Variants in C6 observed in about 807,000 individuals in gnomAD.
C6 encodes the protein complement component C6.
In C6, 101 loss-of-function variants were observed where a neutral mutation model predicts 112.9. The ratio of observed to expected loss-of-function variants is 0.89; its 90% CI spans 0.76 to 1.06. C6 has a LOEUF of 1.06. C6 is among the 50% of genes least tolerant of loss of function. The pLI, the probability that C6 is intolerant of heterozygous loss-of-function variation, is 0.00. For synonymous variants in C6, 431 were observed against 384.1 expected (o/e 1.12, Z -1.43); for missense variants, 1,202 against 1,104.6 (o/e 1.09, Z -1.25).
intron 9 of C6, among the ~76,000 whole-genome samples, chr5:41,171,828 A>G (rs570655673): frequency 6.6e-6 from 1 of 152,236 alleles, no homozygotes; most frequent in East Asian, 1.9e-4. Flanking sequence ...TCTTCTGCCC[A>G]TAGTCCTTTA....
chr5:41,186,966 A>G (rs1161998103), intron 5 of C6, among the ~76,000 whole-genome samples: 1 of 152,158 alleles, frequency 6.6e-6, no homozygotes, highest in Non-Finnish European at 1.5e-5. Flanking sequence ...TCTAAGAGAT[A>G]TTAATATGTA....
At position 41,176,428 on chromosome 5, in the gene C6, G is replaced by T. The variant is rs1238210089; in HGVS notation, c.1168+47C>A. ...TGATAGAGTAAGAGAAAAATGTATT[G>T]CATGCTATCATACCAGTTAAAAAGA... On this transcript the variant is annotated intron_variant, in intron 8 of 17. Transcript: ENST00000337836. The T allele has an allele frequency of 3.2e-6, 5 of 1,585,694 alleles. No individual in the cohort carries two copies. The Admixed American group carries it at 8.4e-5, about 27-fold the overall frequency.
chr5:41,202,933 C>T (rs1751144281), intron 2 of C6, among the ~76,000 whole-genome samples, 155 bp downstream of exon 2: 1 of 152,182 alleles, frequency 6.6e-6, no homozygotes, highest in African/African-American at 2.4e-5. Context: ...TCCTTTCAAC[C>T]TCATAAGAGA....
At chr5:41,199,104 A>G (rs1750819845) in intron 4 of C6, among the ~76,000 whole-genome samples, 1 of 152,158 alleles carries the variant, frequency 6.6e-6, no homozygotes, top group South Asian at 2.1e-4. Flanking sequence ...AGGGAGTAAG[A>G]GGGGAAAACT....
intron 5 of C6, among the ~76,000 whole-genome samples, chr5:41,189,748 C>T (rs749713365): frequency 5.9e-5 from 9 of 152,044 alleles, no homozygotes; most frequent in East Asian, 1.9e-4. Flanking sequence ...TAACCTTTAA[C>T]CAATCTCTTC....
At chr5:41,251,027 A>G (rs868043510) in intron 1 of C6, among the ~76,000 whole-genome samples, 2 of 152,202 alleles carry the variant, frequency 1.3e-5, no homozygotes, top group Non-Finnish European at 2.9e-5. Context: ...GAAGACCTTG[A>G]AGCTCAGAGA....
chr5:41,152,535 AG>A (rs1247416874), intron 15 of C6, among the ~76,000 whole-genome samples: 1 of 152,198 alleles, frequency 6.6e-6, no homozygotes, highest in East Asian at 1.9e-4. Context: ...CTTATCAAGT[AG>A]AAGGTTTGAT....
chr5:41,225,918 G>A (rs1437471834), intron 1 of C6, among the ~76,000 whole-genome samples: 1 of 152,278 alleles, frequency 6.6e-6, no homozygotes, highest in East Asian at 1.9e-4. Flanking sequence ...GCTGAAAGTG[G>A]ATCCCTTCCT....
intron 1 of C6, among the ~76,000 whole-genome samples, chr5:41,230,770 A>T (rs557782402): frequency 6.6e-6 from 1 of 152,214 alleles, no homozygotes; most frequent in East Asian, 1.9e-4. Flanking sequence ...TCACAGTCCT[A>T]CCAATATGTG....
At chr5:41,215,814 G>T (rs1752177768), upstream of C6, among the ~76,000 whole-genome samples, 1 of 152,054 alleles carries the variant, frequency 6.6e-6, no homozygotes. Flanking sequence ...TAGCCAAATG[G>T]TATTTTCTGC....
At chr5:41,242,470 T>C (rs560334658) in intron 1 of C6, among the ~76,000 whole-genome samples, 5 of 152,294 alleles carry the variant, frequency 3.3e-5, no homozygotes, top group Non-Finnish European at 7.3e-5. Context: ...TTACCCAGTC[T>C]TGGGCAGTTC....
intron 1 of C6, among the ~76,000 whole-genome samples, chr5:41,205,659 G>T (rs1270103556): frequency 1.3e-5 from 2 of 152,230 alleles, no homozygotes; most frequent in South Asian, 4.1e-4. Context: ...GCAAGGCACA[G>T]GGAGGCTGGC....
At chr5:41,151,768 C>T (rs571732565) in intron 15 of C6, among the ~76,000 whole-genome samples, 55 of 151,440 alleles carry the variant, frequency 3.6e-4, no homozygotes, top group African/African-American at 1.3e-3. Flanking sequence ...CCAGAAATGT[C>T]GGAGCTAAAC....
upstream of C6, chr5:41,213,629 T>TTCA: frequency 3.7e-6 from 3 of 807,342 alleles, no homozygotes; most frequent in Non-Finnish European, 4.5e-6. Context: ...CTCTGGGTGT[T>TTCA]GGATGTTACA....
intron 9 of C6, among the ~76,000 whole-genome samples, chr5:41,163,305 A>T (rs1409161545): frequency 6.7e-6 from 1 of 150,080 alleles, no homozygotes; most frequent in African/African-American, 2.4e-5. Flanking sequence ...GTATTTATCA[A>T]TGAACTTTTT....
intron 17 of C6, 107 bp from the exon 18 acceptor site, chr5:41,143,113 G>A: frequency 1.0e-6 from 1 of 989,928 alleles, no homozygotes; most frequent in Non-Finnish European, 1.6e-6. Context: ...GTTAAATTAA[G>A]TTTGGTCTAA....
intron 11 of C6, chr5:41,159,511 A>C: frequency 1.0e-6 from 1 of 979,786 alleles, no homozygotes; most frequent in Non-Finnish European, 1.2e-6. Context: ...TCAACTGTTA[A>C]GAAACCTCTG....
At chr5:41,254,466 G>C (rs1185203610) in intron 1 of C6, among the ~76,000 whole-genome samples, 2 of 152,086 alleles carry the variant, frequency 1.3e-5, no homozygotes, top group African/African-American at 4.8e-5. Flanking sequence ...TAGTAAAATA[G>C]AGTTTCTACA....
intron 1 of C6, among the ~76,000 whole-genome samples, chr5:41,223,857 A>T (rs1019958147): frequency 6.6e-6 from 1 of 152,118 alleles, no homozygotes; most frequent in Non-Finnish European, 1.5e-5. Context: ...CCAGCCCAAG[A>T]TCATGTTCTA....
Sources: gnomAD v4.1 joint callset for allele counts (sites outside exome capture counted in the v4.1 genomes callset) on GRCh38, gnomAD v4.1.1 for gene constraint, MANE v1.5 for transcripts, NCBI Gene and HGNC (gene_info 2026-07-23, HGNC 2026-07-21) for gene names.